The following ANAPC1 variants were observed in gnomAD, a reference collection of about 807,000 sequenced individuals.
ANAPC1 encodes the protein anaphase promoting complex subunit 1.
Under a neutral mutation model 208.0 loss-of-function variants are expected in ANAPC1, and 36 were observed. The observed-to-expected ratio is 0.17, with a 90% CI of 0.13 to 0.23. The LOEUF is 0.23. Among genes scored for constraint, ANAPC1 ranks in the 10% least tolerant of loss-of-function variants. ANAPC1 has a pLI of 1.00. For synonymous variants in ANAPC1, 378 were observed against 695.2 expected, an observed-to-expected ratio of 0.54 and a Z score of 7.18; for missense variants, 942 against 2,011.6, an observed-to-expected ratio of 0.47 and a Z score of 10.17.
intron 3 of ANAPC1, among the ~76,000 whole-genome samples, chr2:111,877,637 A>G (rs1683088309): frequency 6.6e-6 from 1 of 152,008 alleles, no homozygotes; most frequent in Non-Finnish European, 1.5e-5. Flanking sequence ...AAACAAAATT[A>G]GCCGGGTGTG....
At position 111,880,694 on chromosome 2, in the gene ANAPC1, T is replaced by G; in HGVS notation, c.132A>C (p.Pro44=). The G allele has an allele frequency of 6.2e-7, 1 of 1,613,814 alleles. No individual in the cohort carries two copies. Among genetic ancestry groups the G allele is most frequent in the Non-Finnish European group, 8.5e-7 (1 of 1,179,870 alleles). The change falls in exon 2 of 48, where the codon CCA becomes CCC. Residue 44 remains proline, a synonymous_variant. Transcript: ENST00000341068. The stretch of plus-strand genomic sequence containing the variant: ...CATCAGAAGACCATAATTCAGAAGC[T>G]GGCTGCAGCTGGCGAAGTTGAAGGT... ...ALNLQLRQLQ[P]ASELWSSDGA... is the part of the protein sequence containing the mutation.
At chr2:111,851,023 T>C in intron 13 of ANAPC1, 113 bp from the exon 14 acceptor site, 1 of 1,276,678 alleles carries the variant, frequency 7.8e-7, no homozygotes, top group East Asian at 2.6e-5. Context: ...TCTAAGTTTA[T>C]ACTCACCAAA....
chr2:111,783,085 G>C (rs2104497106), intron 42 of ANAPC1, among the ~76,000 whole-genome samples: 1 of 152,012 alleles, frequency 6.6e-6, no homozygotes, highest in South Asian at 2.1e-4. Context: ...AAATAAACTG[G>C]CTGAGTAGTA....
chr2:111,791,123 T>G (rs1048179539), intron 38 of ANAPC1, among the ~76,000 whole-genome samples: 1 of 152,006 alleles, frequency 6.6e-6, no homozygotes, highest in African/African-American at 2.4e-5. Flanking sequence ...AGCAAGAGAT[T>G]TGGACATCAC....
chr2:111,876,814 A>G (rs1216699733), intron 3 of ANAPC1, among the ~76,000 whole-genome samples: 1 of 151,320 alleles, frequency 6.6e-6, no homozygotes, highest in Non-Finnish European at 1.5e-5. Flanking sequence ...AGATTTCAGC[A>G]TTTACAAAAA....
intron 27 of ANAPC1, among the ~76,000 whole-genome samples, chr2:111,817,104 G>A (rs1558687858): frequency 9.5e-6 from 1 of 105,112 alleles, no homozygotes; most frequent in Non-Finnish European, 2.0e-5. Context: ...CCACATCAGT[G>A]TGGGTTAAGC....
chr2:111,840,068 G>A (rs534218810), intron 17 of ANAPC1, among the ~76,000 whole-genome samples: 14 of 152,278 alleles, frequency 9.2e-5, no homozygotes, highest in Non-Finnish European at 1.8e-4. Context: ...CTGGCCCACA[G>A]CAGGGATTCA....
chr2:111,807,689 C>CAAAA (rs138431522), intron 29 of ANAPC1, among the ~76,000 whole-genome samples: 2 of 143,674 alleles, frequency 1.4e-5, no homozygotes, highest in East Asian at 2.1e-4. Flanking sequence ...AAGACTCTCT[C>CAAAA]AAAAAAAAAA....
chr2:111,844,663 A>C lies in ANAPC1; in HGVS notation c.1853-1064T>G, dbSNP rs558617035. The stretch of plus-strand genomic sequence containing the variant: ...GCCTACATACTTCAGTAAATATATA[A>C]TATTCAATATATGCATCCACGAATA... On this transcript the variant is annotated intron_variant, in intron 16 of 47. Coordinates refer to ENST00000341068, the MANE Select transcript of ANAPC1 (RefSeq NM_022662.4). Among the ~76,000 whole-genome samples the C allele has an allele frequency of 2.5e-3, 379 of 152,232 alleles. 2 individuals carry two copies. Among genetic ancestry groups the C allele is most frequent in the African/African-American group, 8.9e-3 (369 of 41,546 alleles).
At chr2:111,869,459 G>A (rs190091765) in intron 6 of ANAPC1, among the ~76,000 whole-genome samples, 47 of 152,300 alleles carry the variant, frequency 3.1e-4, no homozygotes, top group African/African-American at 1.1e-3. Context: ...TGGGCAGGCT[G>A]GTCTCGAACT....
At position 111,863,697 on chromosome 2, in the gene ANAPC1, T is replaced by G; in HGVS notation, c.1030A>C (p.Ile344Leu). 3 of 1,613,538 alleles carry G rather than the reference T, an allele frequency of 1.9e-6. No homozygotes were observed. The highest frequency in any genetic ancestry group is 2.5e-6 in the Non-Finnish European group (3 of 1,179,694). ...SPSLHSRSPS[I>L]SNMAALSRAH... Reference sequence around the variant, plus strand: ...TACCTTAGAGCTGCCATGTTGGAAATAGAAGGTGAGCGAGAATGTAGACTG... The same window carrying G: ...TACCTTAGAGCTGCCATGTTGGAAAGAGAAGGTGAGCGAGAATGTAGACTG... The change falls in exon 9 of 48, where the codon ATT becomes CTT. Residue 344 changes from isoleucine (I) to leucine (L), a missense_variant. Physicochemically the swap from Ile to Leu is conservative, Grantham distance 5 (BLOSUM62 2). Coordinates refer to ENST00000341068, the MANE Select transcript of ANAPC1 (RefSeq NM_022662.4).
chr2:111,880,550 T>C lies in ANAPC1; in HGVS notation c.213+63A>G, dbSNP rs1483768012. The C allele has an allele frequency of 8.6e-6, 13 of 1,513,654 alleles. No individual in the cohort carries two copies. In the East Asian group the frequency reaches 3.2e-4, roughly 37 times the overall value. The allele number at this position is 1,513,654 out of a possible 1,614,324, so 93.8% of individuals were successfully genotyped here. ...ATCTCTCAGTTGCATCTTAGTAGCC[T>C]TAAATTACAAGTAGATTATATCACT... On this transcript the variant is annotated intron_variant, in intron 2 of 47. Transcript: ENST00000341068.
At position 111,863,127 on chromosome 2, in the gene ANAPC1, T is replaced by C. The variant is rs959679073; in HGVS notation, c.1053-529A>G. Among the ~76,000 whole-genome samples, 4 of 152,028 alleles carry C rather than the reference T, an allele frequency of 2.6e-5. No homozygotes were observed. In the South Asian group the frequency reaches 8.3e-4, roughly 32 times the overall value. On this transcript the variant is annotated intron_variant, in intron 9 of 47. Coordinates refer to ENST00000341068, the MANE Select transcript of ANAPC1 (RefSeq NM_022662.4). ...ACTGTTGCCCACATAGTGGTAGAAA[T>C]GAGGCAACTAACCTTAGGTCAAGCA...
intron 3 of ANAPC1, among the ~76,000 whole-genome samples, chr2:111,875,722 T>C (rs564176896): frequency 8.5e-5 from 13 of 152,368 alleles, no homozygotes; most frequent in Non-Finnish European, 1.8e-4. Flanking sequence ...TTGGTTTATA[T>C]ACAAGGCCCT....
chr2:111,843,316 G>C, intron 17 of ANAPC1, 96 bp downstream of exon 17: 3 of 1,155,702 alleles, frequency 2.6e-6, no homozygotes, highest in Non-Finnish European at 3.8e-6. Flanking sequence ...TTTTGAATAT[G>C]GTACGCCTAT....
chr2:111,868,759 C>T (rs1296850290), intron 6 of ANAPC1, among the ~76,000 whole-genome samples: 6 of 152,204 alleles, frequency 3.9e-5, no homozygotes, highest in Admixed American at 1.3e-4. Context: ...TCTTGAACTC[C>T]TGACCTCAGG....
intron 6 of ANAPC1, among the ~76,000 whole-genome samples, chr2:111,870,940 A>T (rs904813168): frequency 2.0e-5 from 3 of 148,238 alleles, no homozygotes; most frequent in Non-Finnish European, 3.0e-5. Context: ...CATTTACTAA[A>T]TAGGATGCCT....
intron 13 of ANAPC1, among the ~76,000 whole-genome samples, chr2:111,852,413 GGAAAAGAATGACT>G (rs1681454609): frequency 6.6e-6 from 1 of 152,030 alleles, no homozygotes; most frequent in African/African-American, 2.4e-5. Flanking sequence ...CAAAGTGTTG[GGAAAAGAATGACT>G]GACCAGGACA....
intron 43 of ANAPC1, among the ~76,000 whole-genome samples, chr2:111,782,006 A>C (rs1677307636): frequency 6.6e-6 from 1 of 152,260 alleles, no homozygotes; most frequent in Admixed American, 6.5e-5. Flanking sequence ...GCTAGCTTGC[A>C]AAACTCGTTT....
Sources: allele counts gnomAD v4.1 joint callset (sites outside exome capture counted in the v4.1 genomes callset), GRCh38; gene constraint gnomAD v4.1.1; transcripts MANE v1.5; gene names NCBI Gene and HGNC (gene_info 2026-07-23, HGNC 2026-07-21).